Variants in SEMA5A observed in about 807,000 individuals in gnomAD.
SEMA5A encodes semaphorin-5A.
A neutral mutation model predicts 135.5 loss-of-function variants in SEMA5A; 55 were observed. The observed-to-expected ratio is 0.41, with a 90% CI of 0.33 to 0.51. The LOEUF (loss-of-function observed/expected upper bound fraction) is 0.51, where lower values mean the gene tolerates loss of function less well. Among genes scored for constraint, SEMA5A ranks in the 20% least tolerant of loss-of-function variants. SEMA5A has a pLI of 0.37. For missense variants in SEMA5A, 1,290 were observed against 1,419.9 expected (o/e 0.91, Z 1.47); for synonymous variants, 580 against 546.5 (o/e 1.06, Z -0.85).
chr5:9,409,785 G>C (rs545928603), intron 2 of SEMA5A, among the ~76,000 whole-genome samples: 1 of 150,034 alleles, frequency 6.7e-6, no homozygotes, highest in African/African-American at 2.5e-5. Context: ...TGTGTTGTCC[G>C]CGGGGTGCTT....
chr5:9,061,165 T>C (rs957048855), intron 18 of SEMA5A, among the ~76,000 whole-genome samples: 6 of 152,016 alleles, frequency 3.9e-5, no homozygotes, highest in Non-Finnish European at 5.9e-5. Flanking sequence ...GGGTTGACGC[T>C]GCTCCCAGGA....
chr5:9,151,560 AT>A (rs1002796590), intron 12 of SEMA5A, among the ~76,000 whole-genome samples: 53 of 151,614 alleles, frequency 3.5e-4, no homozygotes, highest in African/African-American at 9.9e-4. Flanking sequence ...TTGTGCAGTT[AT>A]TTTTTTTTAA....
At chr5:9,509,545 G>C (rs1208551512) in intron 1 of SEMA5A, among the ~76,000 whole-genome samples, 2 of 152,096 alleles carry the variant, frequency 1.3e-5, no homozygotes, top group Non-Finnish European at 2.9e-5. Context: ...AAAGTGCTGG[G>C]ATTACAGGCA....
intron 18 of SEMA5A, among the ~76,000 whole-genome samples, chr5:9,059,610 C>T (rs1737074148): frequency 6.6e-6 from 1 of 152,158 alleles, no homozygotes; most frequent in African/African-American, 2.4e-5. Context: ...AGTGCAGTGG[C>T]ATGATCTCAG....
intron 18 of SEMA5A, among the ~76,000 whole-genome samples, chr5:9,055,450 G>A (rs1488147378): frequency 6.6e-6 from 1 of 152,166 alleles, no homozygotes; most frequent in Non-Finnish European, 1.5e-5. Context: ...AGAAACAGGA[G>A]CAAGAGGATG....
At chr5:9,288,880 A>C (rs375738799) in intron 5 of SEMA5A, among the ~76,000 whole-genome samples, 19 of 152,144 alleles carry the variant, frequency 1.2e-4, no homozygotes, top group African/African-American at 3.4e-4. Flanking sequence ...AGGACACACA[A>C]AAAAAAGGAA....
chr5:9,100,773 C>T (rs2387999), intron 16 of SEMA5A, among the ~76,000 whole-genome samples: 20,248 of 152,126 alleles, frequency 0.13, 1,781 homozygotes, highest in Non-Finnish European at 0.19. Context: ...TGGGATCCTA[C>T]ATGTCTCGGA....
chr5:9,134,733 T>A (rs1741636197), intron 13 of SEMA5A, among the ~76,000 whole-genome samples: 2 of 152,196 alleles, frequency 1.3e-5, no homozygotes, highest in Non-Finnish European at 2.9e-5. Flanking sequence ...ATCTTGTGCC[T>A]TTTTTATGAT....
chr5:9,087,191 A>G (rs7714026), intron 16 of SEMA5A, among the ~76,000 whole-genome samples: 33,479 of 152,164 alleles, frequency 0.22, 5,732 homozygotes, highest in African/African-American at 0.48. Flanking sequence ...ATCGGACCCC[A>G]ATCCTGGCTG....
At chr5:9,112,585 A>T (rs1442510763) in intron 15 of SEMA5A, among the ~76,000 whole-genome samples, 1 of 152,234 alleles carries the variant, frequency 6.6e-6, no homozygotes, top group African/African-American at 2.4e-5. Context: ...ATAACTTGTG[A>T]AGAACATCAG....
chr5:9,194,207 G>T (rs773506522), intron 10 of SEMA5A, among the ~76,000 whole-genome samples: 14 of 152,196 alleles, frequency 9.2e-5, no homozygotes, highest in Non-Finnish European at 1.0e-4. Flanking sequence ...TAACAGGGCA[G>T]GGCTCTGAAG....
intron 16 of SEMA5A, among the ~76,000 whole-genome samples, chr5:9,066,883 A>C (rs1459424456): frequency 6.6e-6 from 1 of 152,220 alleles, no homozygotes; most frequent in Non-Finnish European, 1.5e-5. Context: ...AACAATGGGA[A>C]TGAGACAACA....
In SEMA5A at chr5:9,339,449, GC is replaced by G. The variant is rs528498116; in HGVS notation, c.125-1638del. On this transcript the variant is annotated intron_variant, in intron 3 of 22. Coordinates refer to ENST00000382496, the MANE Select transcript of SEMA5A (RefSeq NM_003966.3). ...ACTCCATCAATGCCTCCATTCCTGG[GC>G]AAAAGAGAACCCAATGGCTCTTGCG... Among the ~76,000 whole-genome samples the G allele has an allele frequency of 1.6e-3, 251 of 152,304 alleles. 1 individual carries two copies. Among genetic ancestry groups the G allele is most frequent in the Non-Finnish European group, 2.9e-3 (199 of 68,032 alleles).
At chr5:9,310,213 A>G (rs1258398669) in intron 5 of SEMA5A, among the ~76,000 whole-genome samples, 2 of 152,150 alleles carry the variant, frequency 1.3e-5, no homozygotes, top group African/African-American at 4.8e-5. Flanking sequence ...GCTACTGGTC[A>G]AGTTAGCTGA....
intron 15 of SEMA5A, among the ~76,000 whole-genome samples, chr5:9,117,517 C>T (rs1238908504): frequency 1.3e-5 from 2 of 152,196 alleles, no homozygotes; most frequent in Non-Finnish European, 2.9e-5. Flanking sequence ...TTCATTCACA[C>T]ATCAAATATA....
At chr5:9,435,611 A>G (rs1758001217) in intron 2 of SEMA5A, among the ~76,000 whole-genome samples, 1 of 152,180 alleles carries the variant, frequency 6.6e-6, no homozygotes, top group East Asian at 1.9e-4. Flanking sequence ...ACTCTCATTC[A>G]CTATACTATG....
At chr5:9,089,118 T>C (rs1738892147) in intron 16 of SEMA5A, among the ~76,000 whole-genome samples, 1 of 152,208 alleles carries the variant, frequency 6.6e-6, no homozygotes, top group South Asian at 2.1e-4. Flanking sequence ...AAGACTGTAC[T>C]TATCTATTTC....
chr5:9,171,214 A>G (rs1027180765), intron 11 of SEMA5A, among the ~76,000 whole-genome samples: 4 of 152,150 alleles, frequency 2.6e-5, no homozygotes, highest in African/African-American at 9.7e-5. Context: ...GAAGGGGTTG[A>G]GTTGGTGTTT....
chr5:9,219,310 C>G (rs1365232590), intron 8 of SEMA5A, among the ~76,000 whole-genome samples: 1 of 152,088 alleles, frequency 6.6e-6, no homozygotes, highest in Non-Finnish European at 1.5e-5. Flanking sequence ...TCTGCAGGAC[C>G]TGGGGTTGAG....
Sources: gnomAD v4.1 joint callset for allele counts (sites outside exome capture counted in the v4.1 genomes callset) on GRCh38, gnomAD v4.1.1 for gene constraint, MANE v1.5 for transcripts, NCBI Gene and HGNC (gene_info 2026-07-23, HGNC 2026-07-21) for gene names.